Variants in CEP164 observed in about 807,000 individuals in gnomAD.
CEP164 encodes centrosomal protein of 164 kDa.
CEP164 carries 162 observed loss-of-function variants against 182.7 expected under a neutral mutation model. That is an observed-to-expected ratio of 0.89 (90% CI 0.78 to 1.01). CEP164 has a LOEUF of 1.01. Ranked by LOEUF, CEP164 falls within the 50% of genes least tolerant of loss-of-function variation. The pLI, the probability that CEP164 is intolerant of heterozygous loss-of-function variation, is 0.00. For synonymous variants in CEP164, 661 were observed against 690.0 expected (o/e 0.96, Z 0.66); for missense variants, 1,735 against 1,790.4 (o/e 0.97, Z 0.56).
At chr11:117,406,920 C>G (rs2136831172) in intron 27 of CEP164, among the ~76,000 whole-genome samples, 1 of 152,084 alleles carries the variant, frequency 6.6e-6, no homozygotes, top group Admixed American at 6.5e-5. Flanking sequence ...ATGGTGAAAC[C>G]CCGTCTCTAC....
intron 8 of CEP164, among the ~76,000 whole-genome samples, chr11:117,364,248 T>G (rs1055958091): frequency 1.3e-5 from 2 of 152,358 alleles, no homozygotes; most frequent in South Asian, 4.1e-4. Flanking sequence ...CTCAATCAGT[T>G]AAACTTTTCA....
chr11:117,406,867 G>A (rs552402257), intron 27 of CEP164, among the ~76,000 whole-genome samples: 7 of 152,122 alleles, frequency 4.6e-5, no homozygotes, highest in South Asian at 2.1e-4. Context: ...AGGCCGGGGC[G>A]GGTGGATCAC....
At chr11:117,323,315 T>C, upstream of CEP164, among the ~76,000 whole-genome samples, 1 of 152,180 alleles carries the variant, frequency 6.6e-6, no homozygotes, top group Non-Finnish European at 1.5e-5. Flanking sequence ...CTTTTTTTTT[T>C]TTTAATTCCA....
rs2037176293 is a variant in CEP164, at chr11:117,336,656, C to T, written c.-22+976C>T. On this transcript the variant is annotated intron_variant, in intron 2 of 32. Transcript: ENST00000278935. Reference sequence around the variant, plus strand: ...TGTTTAGGTGTGTCCTCCAGCCTTTCCACGGCTGCCTGGGCTTGATGCGTT... The same window carrying T: ...TGTTTAGGTGTGTCCTCCAGCCTTTTCACGGCTGCCTGGGCTTGATGCGTT... The T allele has an allele frequency of 3.0e-6, 3 of 995,846 alleles. 1 individual carries two copies. The highest frequency in any genetic ancestry group is 2.6e-5 in the South Asian group (2 of 77,846). 61.7% of individuals were successfully genotyped at this position (995,846 alleles called of 1,614,324 possible). A position where few individuals can be genotyped will look rare whatever the true frequency, so the allele number is the denominator to read the frequency against.
At chr11:117,387,974 T>A (rs778738634) in intron 15 of CEP164, among the ~76,000 whole-genome samples, 3 of 152,260 alleles carry the variant, frequency 2.0e-5, no homozygotes, top group African/African-American at 7.2e-5. Context: ...ACATAGGGTC[T>A]GTCCTTATAT....
At chr11:117,367,956 C>G (rs1454634289) in intron 8 of CEP164, among the ~76,000 whole-genome samples, 3 of 152,170 alleles carry the variant, frequency 2.0e-5, no homozygotes, top group African/African-American at 7.2e-5. Context: ...CCCTATATAA[C>G]CGTGTAAAGT....
chr11:117,385,241 A>G (rs2043813112), intron 14 of CEP164: 1 of 151,994 alleles, frequency 6.6e-6, no homozygotes, highest in Non-Finnish European at 1.5e-5. Context: ...TTTGTCACTC[A>G]CTGTAGGAAA....
Position 117,408,975 on chromosome 11 carries a change from A to G in CEP164, c.3695A>G (p.Glu1232Gly). Reference sequence around the variant, plus strand: ...AGTGACATGGACAGCCTGAGCAGTGAAAGTTCTGAATCTTTTTCCCCGCCT... The same window carrying G: ...AGTGACATGGACAGCCTGAGCAGTGGAAGTTCTGAATCTTTTTCCCCGCCT... Reference protein sequence around the residue: ...DLSDMDSLSSESSESFSPPHR... With the variant: ...DLSDMDSLSSGSSESFSPPHR... The change falls in exon 29 of 33, where the codon GAA becomes GGA. Residue 1232 changes from glutamate (E) to glycine (G), a missense_variant. Coordinates refer to ENST00000278935, the MANE Select transcript of CEP164 (RefSeq NM_014956.5). 6.2e-7 allele frequency: 1 copy of G among 1,614,046 alleles called. No homozygotes were observed. The highest frequency in any genetic ancestry group is 8.5e-7 in the Non-Finnish European group (1 of 1,179,992).
chr11:117,390,642 G>GAAAAAA, intron 15 of CEP164, 135 bp from the exon 16 acceptor site: 1 of 971,472 alleles, frequency 1.0e-6, no homozygotes, highest in Non-Finnish European at 1.5e-6. Flanking sequence ...TCTCCAAAAA[G>GAAAAAA]AAAAAAAAAA....
chr11:117,338,608 A>G lies in CEP164; in HGVS notation c.22A>G (p.Ile8Val), dbSNP rs1050655301. Residue 8 changes from isoleucine to valine, a missense_variant, in exon 3 of 33, where the codon ATA becomes GTA. Transcript: ENST00000278935. MAGRPLR[I>V]GDQLVLEEDY... is the part of the protein sequence containing the mutation. ...AGTCATGGCTGGACGACCCCTCCGC[A>G]TAGGAGATCAGCTGGTTCTGGAAGA... 2 of 1,614,128 alleles carry G rather than the reference A, an allele frequency of 1.2e-6. No homozygotes were observed. The highest frequency in any genetic ancestry group is 2.2e-5 in the East Asian group (1 of 44,888).
rs1393359989 is a variant in CEP164, at chr11:117,396,131, A to G, written c.3167A>G (p.His1056Arg). 3 of 1,452,456 alleles carry G rather than the reference A, an allele frequency of 2.1e-6. No homozygotes were observed. Among genetic ancestry groups the G allele is most frequent in the South Asian group, 1.1e-5 (1 of 89,018 alleles). The allele number at this position is 1,452,456 out of a possible 1,614,324, so 90.0% of individuals were successfully genotyped here. The change falls in exon 25 of 33, where the codon CAT (histidine) becomes CGT (arginine). Residue 1056 changes from histidine to arginine, a missense_variant. Transcript: ENST00000278935. ...VTVEENNASP[H>R]FEPDLHIEDL... is the part of the protein sequence containing the mutation. Reference sequence around the variant, plus strand: ...GTTGAGGAAAATAATGCTTCCCCACATTTTGAGCCAGATCTCCATATTGAG... The same window carrying G: ...GTTGAGGAAAATAATGCTTCCCCACGTTTTGAGCCAGATCTCCATATTGAG...
chr11:117,350,031 G>T (rs1049969857), intron 4 of CEP164, among the ~76,000 whole-genome samples: 6 of 151,628 alleles, frequency 4.0e-5, no homozygotes, highest in Middle Eastern at 3.4e-3. Flanking sequence ...CCTTGGCCTC[G>T]CAAAGTGCTG....
chr11:117,376,374 C>G (rs542609619), intron 11 of CEP164, among the ~76,000 whole-genome samples: 1 of 152,326 alleles, frequency 6.6e-6, no homozygotes, highest in Admixed American at 6.5e-5. Flanking sequence ...GATGTTAGCT[C>G]TGTGTGGGCA....
intron 1 of CEP164, among the ~76,000 whole-genome samples, chr11:117,333,994 A>G (rs939005638): frequency 1.2e-4 from 18 of 152,154 alleles, no homozygotes; most frequent in African/African-American, 4.1e-4. Flanking sequence ...TTCTTTGTCT[A>G]GTGAATACCT....
upstream of CEP164, among the ~76,000 whole-genome samples, chr11:117,325,401 T>C (rs907767815): frequency 6.6e-6 from 1 of 150,770 alleles, no homozygotes; most frequent in African/African-American, 2.5e-5. Context: ...TTTTCTTTTT[T>C]TGAGACAGAG....
At chr11:117,332,043 T>C (rs1347589471) in intron 1 of CEP164, among the ~76,000 whole-genome samples, 1 of 151,656 alleles carries the variant, frequency 6.6e-6, no homozygotes, top group East Asian at 1.9e-4. Flanking sequence ...CAGGCTGGTC[T>C]TGAGCTTCTA....
At chr11:117,371,755 C>T (rs903224242) in intron 9 of CEP164, among the ~76,000 whole-genome samples, 1 of 151,898 alleles carries the variant, frequency 6.6e-6, no homozygotes, top group Non-Finnish European at 1.5e-5. Flanking sequence ...TTTCTTTTCT[C>T]CTGCTTACAT....
At chr11:117,360,183 G>T (rs990153102) in intron 5 of CEP164, among the ~76,000 whole-genome samples, 3 of 151,968 alleles carry the variant, frequency 2.0e-5, no homozygotes, top group Admixed American at 6.6e-5. Flanking sequence ...TAGAGGCAGG[G>T]TCTTGCTCTG....
chr11:117,373,673 G>T, intron 9 of CEP164, 78 bp from the exon 10 acceptor site: 1 of 1,323,416 alleles, frequency 7.6e-7, no homozygotes, highest in Non-Finnish European at 1.1e-6. Flanking sequence ...CCCATGGCCT[G>T]AACAGAATTC....
Sources: allele counts gnomAD v4.1 joint callset (sites outside exome capture counted in the v4.1 genomes callset), GRCh38; gene constraint gnomAD v4.1.1; transcripts MANE v1.5; gene names NCBI Gene and HGNC (gene_info 2026-07-23, HGNC 2026-07-21).